STON2: variants seen among roughly 807,000 people sequenced by gnomAD.
The protein encoded by STON2 is stonin-2.
Under a neutral mutation model 65.7 loss-of-function variants are expected in STON2, and 29 were observed. That is an observed-to-expected ratio of 0.44 (90% CI 0.33 to 0.60). The LOEUF (loss-of-function observed/expected upper bound fraction) is 0.60. Ranked by LOEUF, STON2 falls within the 20% of genes least tolerant of loss-of-function variation. The pLI is 0.03. For missense variants in STON2, 1,054 were observed against 1,118.1 expected (o/e 0.94, Z 0.82); for synonymous variants, 404 against 414.2 (o/e 0.98, Z 0.30).
chr14:81,377,232 AT>A (rs1026959178), intron 3 of STON2, among the ~76,000 whole-genome samples: 1 of 152,172 alleles, frequency 6.6e-6, no homozygotes, highest in Non-Finnish European at 1.5e-5. Flanking sequence ...TAATTTTGTC[AT>A]TCCAAGAATG....
upstream of STON2, among the ~76,000 whole-genome samples, chr14:81,405,050 G>C (rs186656226): frequency 8.1e-4 from 124 of 152,254 alleles, no homozygotes; most frequent in African/African-American, 2.9e-3. Flanking sequence ...ACTGACTATA[G>C]TGCATTTGGA....
At chr14:81,282,509 GCTA>G (rs899592057) in intron 5 of STON2, among the ~76,000 whole-genome samples, 22 of 151,686 alleles carry the variant, frequency 1.5e-4, no homozygotes, top group African/African-American at 4.8e-4. Flanking sequence ...TAGTACTACT[GCTA>G]CTACTACTAC....
At chr14:81,355,519 C>A (rs1898191662) in intron 4 of STON2, among the ~76,000 whole-genome samples, 1 of 152,054 alleles carries the variant, frequency 6.6e-6, no homozygotes, top group Non-Finnish European at 1.5e-5. Flanking sequence ...AGAAACCTGC[C>A]AACCAAGAAT....
intron 6 of STON2, among the ~76,000 whole-genome samples, chr14:81,271,708 T>C (rs1566880172): frequency 2.0e-5 from 3 of 152,236 alleles, no homozygotes; most frequent in East Asian, 1.9e-4. Context: ...AGAATTGTTA[T>C]TGAGATTTTT....
chr14:81,299,426 A>G (rs970429509), intron 5 of STON2, among the ~76,000 whole-genome samples: 5 of 152,242 alleles, frequency 3.3e-5, no homozygotes, highest in African/African-American at 1.2e-4. Flanking sequence ...TGAAATATTG[A>G]AAGTGTTCCT....
chr14:81,363,956 G>T (rs1595397899), intron 4 of STON2, among the ~76,000 whole-genome samples: 1 of 152,138 alleles, frequency 6.6e-6, no homozygotes, highest in African/African-American at 2.4e-5. Flanking sequence ...GTTATATCTT[G>T]TACAGAGACA....
Position 81,264,788 on chromosome 14 carries a change from CA to C in STON2, c.*3625del. On this transcript the variant is annotated 3_prime_UTR_variant, in exon 8 of 8. Coordinates refer to ENST00000614646, the MANE Select transcript of STON2 (RefSeq NM_001394390.1). Reference sequence around the variant, plus strand: ...GATAATATTTAATATGAATGAAATGCAAACTTTTGATAAGGAATAACTAGTA... The same window carrying C: ...GATAATATTTAATATGAATGAAATGCAACTTTTGATAAGGAATAACTAGTA... 1 of 985,330 alleles carries C rather than the reference CA, an allele frequency of 1.0e-6. No homozygotes were observed. Among genetic ancestry groups the C allele is most frequent in the Non-Finnish European group, 1.2e-6 (1 of 829,912 alleles). 61.0% of individuals were successfully genotyped at this position (985,330 alleles called of 1,614,324 possible).
chr14:81,381,492 A>T (rs1287571048), intron 3 of STON2, among the ~76,000 whole-genome samples: 2 of 152,224 alleles, frequency 1.3e-5, no homozygotes, highest in Non-Finnish European at 2.9e-5. Context: ...CACCAACAGG[A>T]ATATAGCTGA....
chr14:81,403,705 G>A (rs1277048696), upstream of STON2, among the ~76,000 whole-genome samples: 1 of 152,146 alleles, frequency 6.6e-6, no homozygotes, highest in African/African-American at 2.4e-5. Context: ...TCCAAGCCAC[G>A]TTTGAGAGTC....
At chr14:81,317,426 G>T (rs1401496903) in intron 5 of STON2, among the ~76,000 whole-genome samples, 5 of 152,190 alleles carry the variant, frequency 3.3e-5, no homozygotes, top group African/African-American at 1.2e-4. Context: ...CAATAGCAAA[G>T]CCTATAAATT....
In STON2 at chr14:81,268,429, C is replaced by A; in HGVS notation, c.2853G>T (p.Glu951Asp). Residue 951 changes from glutamate (E) to aspartate (D), a missense_variant, in exon 8 of 8, where the codon GAG becomes GAT. By Grantham distance (45) the Glu-to-Asp change is conservative. Coordinates refer to ENST00000614646, the MANE Select transcript of STON2 (RefSeq NM_001394390.1). Reference sequence around the variant, plus strand: ...CAAGGCTTTGTCACTGCACTCCACACTCCTTGGGATTTTCCATTTCATCTC... The same window carrying A: ...CAAGGCTTTGTCACTGCACTCCACAATCCTTGGGATTTTCCATTTCATCTC... ...FEGDEMENPK[E>D]CGVQ 3 of 1,289,650 alleles carry A rather than the reference C, an allele frequency of 2.3e-6. No homozygotes were observed. The highest frequency in any genetic ancestry group is 2.0e-6 in the Non-Finnish European group (2 of 988,714). 79.9% of individuals were successfully genotyped at this position (1,289,650 alleles called of 1,614,324 possible).
chr14:81,426,670 C>T (rs1324467786), intron 2 of STON2, among the ~76,000 whole-genome samples: 1 of 152,238 alleles, frequency 6.6e-6, no homozygotes, highest in East Asian at 1.9e-4. Flanking sequence ...CAGTCCCCCT[C>T]GCCCGAAACA....
intron 4 of STON2, among the ~76,000 whole-genome samples, chr14:81,345,196 G>T (rs1279938940): frequency 6.6e-6 from 1 of 152,326 alleles, no homozygotes; most frequent in East Asian, 1.9e-4. Context: ...TAGTTACATA[G>T]TATTATGGGC....
chr14:81,386,569 A>G (rs1406623065), intron 3 of STON2, among the ~76,000 whole-genome samples: 2 of 152,236 alleles, frequency 1.3e-5, no homozygotes, highest in Non-Finnish European at 1.5e-5. Flanking sequence ...AGACGTTTGA[A>G]GCATAAGGGA....
intron 2 of STON2, among the ~76,000 whole-genome samples, chr14:81,422,405 G>A (rs12586611): frequency 0.021 from 3,263 of 152,184 alleles, 130 homozygotes; most frequent in East Asian, 0.17. Flanking sequence ...AGATGTTGGC[G>A]CCATGCTTCT....
intron 5 of STON2, among the ~76,000 whole-genome samples, chr14:81,322,880 T>G (rs1896871564): frequency 6.6e-6 from 1 of 152,252 alleles, no homozygotes; most frequent in Non-Finnish European, 1.5e-5. Flanking sequence ...TTAAGTTGCC[T>G]GCACAGAGTT....
chr14:81,261,833 C>T lies in STON2; in HGVS notation c.*6581G>A. On this transcript the variant is annotated 3_prime_UTR_variant, in exon 8 of 8. Transcript: ENST00000614646. ...CCAGTGGAACTTCCAAAGAAGCATT[C>T]CACCTGATCTTCACCACCCTCTTTG... The T allele has an allele frequency of 6.5e-7, 1 of 1,534,276 alleles. No homozygotes were observed. The highest frequency in any genetic ancestry group is 8.7e-7 in the Non-Finnish European group (1 of 1,146,476).
chr14:81,328,624 T>C (rs1305613141), intron 4 of STON2, among the ~76,000 whole-genome samples: 1 of 152,136 alleles, frequency 6.6e-6, no homozygotes, highest in Non-Finnish European at 1.5e-5. Flanking sequence ...GTTTGTCCTC[T>C]CCAAATCTCA....
At chr14:81,320,370 A>G (rs1896777169) in intron 5 of STON2, among the ~76,000 whole-genome samples, 1 of 85,772 alleles carries the variant, frequency 1.2e-5, no homozygotes, top group South Asian at 3.3e-4. Context: ...CCAACCCTTG[A>G]TAAGAGGAGC....
Sources: gnomAD v4.1 joint callset for allele counts (sites outside exome capture counted in the v4.1 genomes callset) on GRCh38, gnomAD v4.1.1 for gene constraint, MANE v1.5 for transcripts, NCBI Gene and HGNC (gene_info 2026-07-23, HGNC 2026-07-21) for gene names.